The following SEC31A variants were observed in gnomAD, a reference collection of about 807,000 sequenced individuals.
The protein encoded by SEC31A is protein transport protein Sec31A.
In SEC31A, 70 loss-of-function variants were observed where a neutral mutation model predicts 151.0. The ratio of observed to expected loss-of-function variants is 0.46; its 90% CI spans 0.38 to 0.57. The LOEUF (loss-of-function observed/expected upper bound fraction) is 0.57, where lower values mean the gene tolerates loss of function less well. Ranked by LOEUF, SEC31A falls within the 20% of genes least tolerant of loss-of-function variation. The probability of loss-of-function intolerance (pLI) is 0.00; values close to 1 mark genes in which losing one functional copy is unlikely to be tolerated. For synonymous variants in SEC31A, 475 were observed against 505.9 expected, an observed-to-expected ratio of 0.94 and a Z score of 0.82; for missense variants, 1,330 against 1,471.2, an observed-to-expected ratio of 0.90 and a Z score of 1.57.
intron 10 of SEC31A, among the ~76,000 whole-genome samples, chr4:82,865,882 CACTACTG>C (rs1735256112): frequency 6.6e-6 from 1 of 151,878 alleles, no homozygotes; most frequent in South Asian, 2.1e-4. Context: ...ATATAGTTAA[CACTACTG>C]TAGTATATAT....
intron 3 of SEC31A, among the ~76,000 whole-genome samples, chr4:82,899,229 G>A (rs1407591306): frequency 6.6e-6 from 1 of 152,184 alleles, no homozygotes; most frequent in Non-Finnish European, 1.5e-5. Context: ...CTGCTAGTAA[G>A]AATGAGGTTT....
chr4:82,871,290 T>A, intron 7 of SEC31A: 1 of 1,383,344 alleles, frequency 7.2e-7, no homozygotes, highest in East Asian at 2.7e-5. Context: ...GTATAAAAAT[T>A]ATATTGGGAT....
rs28733504 is a variant in SEC31A at position 82,858,891 on chromosome 4, C to G, written c.1627-1127G>C. ...CTAATTTTTGTATTTTTAGTAGAGA[C>G]GGGGTTTCACTGTGTTAGCCAGGAT... On this transcript the variant is annotated intron_variant, in intron 14 of 26. Transcript: ENST00000395310. Among the ~76,000 whole-genome samples the G allele has an allele frequency of 1.3e-5, 2 of 151,142 alleles. 1 individual carries two copies. Among genetic ancestry groups the G allele is most frequent in the Non-Finnish European group, 3.0e-5 (2 of 67,704 alleles).
intron 13 of SEC31A, 115 bp from the exon 14 acceptor site, chr4:82,861,823 A>G (rs774574004): frequency 5.3e-6 from 3 of 568,124 alleles, no homozygotes; most frequent in Non-Finnish European, 9.5e-6. Context: ...GTTTAATCAT[A>G]AGAAGCAACA....
intron 22 of SEC31A, among the ~76,000 whole-genome samples, chr4:82,830,306 CA>C (rs1484277602): frequency 6.6e-6 from 1 of 152,084 alleles, no homozygotes; most frequent in East Asian, 1.9e-4. Context: ...ACTAAAAATA[CA>C]AAAATTAGCT....
rs369089521 is a variant in SEC31A, at chr4:82,849,776, A to C, written c.2329-799T>G. Among the ~76,000 whole-genome samples the C allele has an allele frequency of 3.9e-5, 6 of 152,170 alleles. No homozygotes were observed. The East Asian group carries it at 7.7e-4, about 19-fold the overall frequency. On this transcript the variant is annotated intron_variant, in intron 19 of 26. Coordinates refer to ENST00000395310, the MANE Select transcript of SEC31A (RefSeq NM_001077207.4). ...TGAAATTCAGATCTGTAGCTCATACAGATCTACATGCATAGAGACTTACAA... is the reference window on the plus strand; with the variant it reads ...TGAAATTCAGATCTGTAGCTCATACCGATCTACATGCATAGAGACTTACAA...
At chr4:82,830,802 A>G (rs1408445453) in intron 22 of SEC31A, 5 of 227,672 alleles carry the variant, frequency 2.2e-5, no homozygotes, top group Non-Finnish European at 3.3e-5. Flanking sequence ...TAAGAAGCCA[A>G]ATAAAAAAAA....
chr4:82,841,971 CA>C (rs879265374), intron 22 of SEC31A, among the ~76,000 whole-genome samples, 168 bp downstream of exon 22: 13 of 143,374 alleles, frequency 9.1e-5, no homozygotes, highest in Admixed American at 1.4e-4. Flanking sequence ...GACTCCATCA[CA>C]AAAAAAAAAA....
intron 22 of SEC31A, among the ~76,000 whole-genome samples, chr4:82,835,475 T>C (rs1726986647): frequency 6.6e-6 from 1 of 152,188 alleles, no homozygotes; most frequent in African/African-American, 2.4e-5. Context: ...TTTAAGGGCA[T>C]GGAAAAATGG....
In SEC31A at chr4:82,861,624, T is replaced by A. The variant is rs76765000; in HGVS notation, c.1626+7A>T. 2.2e-5 allele frequency: 34 copies of A among 1,579,110 alleles called. No homozygotes were observed. Among genetic ancestry groups the A allele is most frequent in the South Asian group, 1.6e-4 (14 of 87,620 alleles). Reference sequence around the variant, plus strand: ...TGTCCAATATAATATGAAAAAAAAATAAGTACCTCTCCCAAGAGCTGCTCT... The same window carrying A: ...TGTCCAATATAATATGAAAAAAAAAAAAGTACCTCTCCCAAGAGCTGCTCT... On this transcript the variant is annotated splice_region_variant and intron_variant, in intron 14 of 26. Coordinates refer to ENST00000395310, the MANE Select transcript of SEC31A (RefSeq NM_001077207.4).
chr4:82,833,602 G>A (rs1274975647), intron 22 of SEC31A, among the ~76,000 whole-genome samples: 1 of 151,202 alleles, frequency 6.6e-6, no homozygotes, highest in African/African-American at 2.4e-5. Flanking sequence ...CTTCTTATAG[G>A]AAACCAAAGT....
intron 7 of SEC31A, chr4:82,871,654 T>A: frequency 1.9e-6 from 1 of 531,522 alleles, no homozygotes; most frequent in South Asian, 2.5e-5. Context: ...CGCATGCATG[T>A]AATCCCAGCT....
chr4:82,844,271 T>C (rs1011591866), intron 21 of SEC31A, 115 bp downstream of exon 21: 4 of 1,136,318 alleles, frequency 3.5e-6, no homozygotes, highest in Admixed American at 4.7e-5. Context: ...TCAGGAATCC[T>C]ATGCACAATG....
chr4:82,852,529 T>C (rs1022139809), intron 18 of SEC31A, among the ~76,000 whole-genome samples: 9 of 152,070 alleles, frequency 5.9e-5, no homozygotes, highest in Admixed American at 3.9e-4. Flanking sequence ...TCCAAAAGGG[T>C]AAAACAAGTG....
chr4:82,856,001 T>C (rs1049502641), intron 16 of SEC31A, among the ~76,000 whole-genome samples: 1 of 152,170 alleles, frequency 6.6e-6, no homozygotes, highest in Non-Finnish European at 1.5e-5. Flanking sequence ...AATCAGAAAT[T>C]TGTACAAGTC....
chr4:82,893,910 T>A (rs533713743), upstream of SEC31A: 1 of 152,222 alleles, frequency 6.6e-6, no homozygotes, highest in African/African-American at 2.4e-5. Flanking sequence ...GAGAAAAATG[T>A]ACTGCCCTGA....
At chr4:82,821,228 A>G in intron 25 of SEC31A, 120 bp from the exon 26 acceptor site, 1 of 771,670 alleles carries the variant, frequency 1.3e-6, no homozygotes, top group African/African-American at 1.7e-5. Context: ...TTTATAAAGA[A>G]ATGGAGGCAA....
chr4:82,860,934 A>G (rs1371244471), intron 14 of SEC31A, among the ~76,000 whole-genome samples: 1 of 152,140 alleles, frequency 6.6e-6, no homozygotes, highest in African/African-American at 2.4e-5. Flanking sequence ...TATACATAAC[A>G]TTCCATAGTC....
chr4:82,849,953 G>A (rs1731132670), intron 19 of SEC31A, among the ~76,000 whole-genome samples: 1 of 151,814 alleles, frequency 6.6e-6, no homozygotes, highest in Non-Finnish European at 1.5e-5. Context: ...AATGTTTTAG[G>A]CATATTTTAT....
Sources: gnomAD v4.1 joint callset for allele counts (sites outside exome capture counted in the v4.1 genomes callset) on GRCh38, gnomAD v4.1.1 for gene constraint, MANE v1.5 for transcripts, NCBI Gene and HGNC (gene_info 2026-07-23, HGNC 2026-07-21) for gene names.